The following CNTNAP2 variants were observed in gnomAD, a reference collection of about 807,000 sequenced individuals.
CNTNAP2 encodes the protein contactin-associated protein-like 2.
CNTNAP2 carries 98 observed loss-of-function variants against 155.2 expected under a neutral mutation model. The observed-to-expected ratio is 0.63, with a 90% CI of 0.54 to 0.75. The LOEUF is 0.75. Among genes scored for constraint, CNTNAP2 ranks in the 30% least tolerant of loss-of-function variants. CNTNAP2 has a pLI of 0.00. For missense variants in CNTNAP2, 1,727 were observed against 1,688.1 expected (o/e 1.02, Z -0.40); for synonymous variants, 651 against 631.2 (o/e 1.03, Z -0.47).
chr7:146,671,940 C>T (rs979891142), intron 1 of CNTNAP2, among the ~76,000 whole-genome samples: 9 of 151,948 alleles, frequency 5.9e-5, no homozygotes, highest in African/African-American at 2.2e-4. Context: ...TTCAGCCTCC[C>T]GAGTAGTTGG....
chr7:147,473,229 G>A (rs568725817), intron 10 of CNTNAP2, among the ~76,000 whole-genome samples: 1 of 152,356 alleles, frequency 6.6e-6, no homozygotes, highest in South Asian at 2.1e-4. Flanking sequence ...CTATGAAAGG[G>A]ATTAGGGAAA....
At chr7:146,483,707 GA>G (rs1264450910) in intron 1 of CNTNAP2, among the ~76,000 whole-genome samples, 4 of 151,520 alleles carry the variant, frequency 2.6e-5, no homozygotes, top group Admixed American at 6.6e-5. Context: ...AAGAAAAATA[GA>G]AAAAAATTAT....
intron 3 of CNTNAP2, among the ~76,000 whole-genome samples, chr7:146,878,037 A>T (rs1308465715): frequency 5.3e-5 from 8 of 152,164 alleles, no homozygotes; most frequent in Non-Finnish European, 1.2e-4. Context: ...TTCATTTTAA[A>T]ATGTCTCCTG....
chr7:146,259,288 G>A (rs960305800), intron 1 of CNTNAP2, among the ~76,000 whole-genome samples: 1 of 152,156 alleles, frequency 6.6e-6, no homozygotes, highest in African/African-American at 2.4e-5. Flanking sequence ...GGTACCGAGA[G>A]TGGGGTACTG....
intron 13 of CNTNAP2, among the ~76,000 whole-genome samples, chr7:147,789,069 T>A (rs994266742): frequency 1.3e-5 from 2 of 151,788 alleles, no homozygotes; most frequent in Non-Finnish European, 1.5e-5. Context: ...CATGCCTGGC[T>A]AATTTTTTTA....
At chr7:147,060,846 A>G (rs1799652828) in intron 4 of CNTNAP2, among the ~76,000 whole-genome samples, 1 of 144,774 alleles carries the variant, frequency 6.9e-6, no homozygotes, top group African/African-American at 2.8e-5. Flanking sequence ...CCTGGGGGAC[A>G]GAGCGAGACT....
At chr7:147,656,759 T>C (rs1418617493) in intron 13 of CNTNAP2, among the ~76,000 whole-genome samples, 1 of 150,630 alleles carries the variant, frequency 6.6e-6, no homozygotes, top group East Asian at 1.9e-4. Flanking sequence ...GAGCATGCCA[T>C]TGAAAAAACA....
intron 12 of CNTNAP2, among the ~76,000 whole-genome samples, chr7:147,632,546 G>T (rs532722844): frequency 6.6e-6 from 1 of 152,250 alleles, no homozygotes; most frequent in South Asian, 2.1e-4. Flanking sequence ...GTTTCCTGAT[G>T]CCTCCTCAGC....
chr7:148,076,570 G>A (rs1803490886), intron 15 of CNTNAP2, among the ~76,000 whole-genome samples: 1 of 151,190 alleles, frequency 6.6e-6, no homozygotes, highest in Non-Finnish European at 1.5e-5. Context: ...CGAGCAGCTG[G>A]GACTACAGGA....
rs114853956 is a variant in CNTNAP2 at position 146,375,063 on chromosome 7, G to A, written c.97+258090G>A. On this transcript the variant is annotated intron_variant, in intron 1 of 23. Coordinates refer to ENST00000361727, the MANE Select transcript of CNTNAP2 (RefSeq NM_014141.6). The stretch of plus-strand genomic sequence containing the variant: ...ACATATTGCCTTTGAAAGATACACT[G>A]GAAAATTTATTTTTAAAACTTCACT... 9.6e-3 allele frequency among the ~76,000 whole-genome samples: 1,466 copies of A among 152,182 alleles called. 24 individuals are homozygous for A. Among genetic ancestry groups the A allele is most frequent in the African/African-American group, 0.033 (1,350 of 41,524 alleles).
intron 1 of CNTNAP2, among the ~76,000 whole-genome samples, chr7:146,327,513 A>G (rs764223800): frequency 2.0e-5 from 3 of 152,196 alleles, no homozygotes; most frequent in Non-Finnish European, 2.9e-5. Context: ...AATACTACAA[A>G]TGAAATTAAA....
intron 1 of CNTNAP2, among the ~76,000 whole-genome samples, chr7:146,249,649 G>A (rs1799724743): frequency 6.6e-6 from 1 of 152,004 alleles, no homozygotes; most frequent in Admixed American, 6.6e-5. Context: ...TCCTCTCATG[G>A]CATGAGTTGC....
At chr7:148,092,741 C>T (rs1295013709) in intron 15 of CNTNAP2, among the ~76,000 whole-genome samples, 1 of 152,052 alleles carries the variant, frequency 6.6e-6, no homozygotes, top group Non-Finnish European at 1.5e-5. Context: ...ACTATAAATG[C>T]TTTGATTAAC....
intron 3 of CNTNAP2, among the ~76,000 whole-genome samples, chr7:146,984,670 T>C (rs1278920861): frequency 6.6e-6 from 1 of 152,180 alleles, no homozygotes; most frequent in Non-Finnish European, 1.5e-5. Flanking sequence ...CCCAATGGTG[T>C]GGTTCATTGA....
chr7:146,354,710 C>T (rs183316104), intron 1 of CNTNAP2, among the ~76,000 whole-genome samples: 7 of 152,162 alleles, frequency 4.6e-5, no homozygotes, highest in African/African-American at 1.4e-4. Flanking sequence ...CCACTGTGCC[C>T]GGCCCCTATT....
intron 18 of CNTNAP2, among the ~76,000 whole-genome samples, chr7:148,209,251 G>A (rs1795502965): frequency 6.6e-6 from 1 of 151,680 alleles, no homozygotes; most frequent in Non-Finnish European, 1.5e-5. Context: ...TCAGTAGCTG[G>A]GACTACAGGC....
At chr7:147,275,535 C>A (rs945410878) in intron 8 of CNTNAP2, among the ~76,000 whole-genome samples, 1 of 151,978 alleles carries the variant, frequency 6.6e-6, no homozygotes, top group African/African-American at 2.4e-5. Context: ...ATTTTGTATC[C>A]TGAAACCTTA....
intron 1 of CNTNAP2, among the ~76,000 whole-genome samples, chr7:146,227,006 A>G (rs1192567072): frequency 6.6e-6 from 1 of 152,222 alleles, no homozygotes; most frequent in African/African-American, 2.4e-5. Flanking sequence ...AATGAATGAA[A>G]AAGGCAGAGA....
chr7:146,819,124 G>T (rs190920955), intron 2 of CNTNAP2, among the ~76,000 whole-genome samples: 53 of 152,004 alleles, frequency 3.5e-4, no homozygotes, highest in African/African-American at 1.2e-3. Flanking sequence ...TATTCTATAT[G>T]ATCATTCTAT....
Sources: allele counts gnomAD v4.1 joint callset (sites outside exome capture counted in the v4.1 genomes callset), GRCh38; gene constraint gnomAD v4.1.1; transcripts MANE v1.5; gene names NCBI Gene and HGNC (gene_info 2026-07-23, HGNC 2026-07-21).